Variants in NCKAP5 observed in about 807,000 individuals in gnomAD.
NCKAP5 encodes the protein NCK associated protein 5.
A neutral mutation model predicts 167.0 loss-of-function variants in NCKAP5; 92 were observed. The observed-to-expected ratio is 0.55, with a 90% CI of 0.47 to 0.66. The LOEUF (loss-of-function observed/expected upper bound fraction) is 0.66, where lower values mean the gene tolerates loss of function less well. NCKAP5 is among the 30% of genes least tolerant of loss of function. NCKAP5 has a pLI of 0.00. For missense variants in NCKAP5, 2,378 were observed against 2,315.0 expected (o/e 1.03, Z -0.56); for synonymous variants, 891 against 877.4 (o/e 1.02, Z -0.27).
chr2:133,273,227 A>G (rs1178580610), intron 4 of NCKAP5, among the ~76,000 whole-genome samples: 1 of 152,154 alleles, frequency 6.6e-6, no homozygotes, highest in Admixed American at 6.5e-5. Context: ...CTTTGTTTAT[A>G]GTCATGCTAG....
intron 6 of NCKAP5, among the ~76,000 whole-genome samples, chr2:133,112,191 T>C (rs1276888844): frequency 1.3e-5 from 2 of 152,146 alleles, no homozygotes; most frequent in Non-Finnish European, 2.9e-5. Flanking sequence ...ATAGGTATGC[T>C]AGGTATGGCG....
At chr2:133,406,150 C>T (rs1364414642) in intron 3 of NCKAP5, among the ~76,000 whole-genome samples, 1 of 152,212 alleles carries the variant, frequency 6.6e-6, no homozygotes, top group Non-Finnish European at 1.5e-5. Flanking sequence ...ACATTGGAAG[C>T]ATCCCTGGAA....
At chr2:133,157,282 T>C (rs1161419152) in intron 5 of NCKAP5, among the ~76,000 whole-genome samples, 1 of 152,162 alleles carries the variant, frequency 6.6e-6, no homozygotes, top group Non-Finnish European at 1.5e-5. Flanking sequence ...AGCACAGTCA[T>C]TGGAACAGTG....
intron 10 of NCKAP5, among the ~76,000 whole-genome samples, chr2:132,860,882 C>T (rs772444387): frequency 5.9e-4 from 90 of 151,992 alleles, no homozygotes; most frequent in Non-Finnish European, 5.9e-4. Context: ...TAAATCTTAG[C>T]GATATGAAGT....
chr2:133,587,416 G>A, the NCKAP5 span, among the ~76,000 whole-genome samples: 107 of 152,330 alleles, frequency 7.0e-4, 1 homozygote, highest in Non-Finnish European at 8.7e-4. Context: ...AAGACAACCT[G>A]AGTACAACAC....
At chr2:133,269,105 C>T (rs891319889) in intron 4 of NCKAP5, 6 of 152,126 alleles carry the variant, frequency 3.9e-5, no homozygotes, top group African/African-American at 1.4e-4. Flanking sequence ...AACTTATAGC[C>T]TAAATTGACA....
At chr2:133,432,503 C>T (rs1013570488) in intron 3 of NCKAP5, among the ~76,000 whole-genome samples, 1 of 152,154 alleles carries the variant, frequency 6.6e-6, no homozygotes, top group Non-Finnish European at 1.5e-5. Flanking sequence ...CAGAGATAAA[C>T]TCAACATCAG....
chr2:133,037,814 G>A (rs2079086835), intron 6 of NCKAP5, among the ~76,000 whole-genome samples: 1 of 152,128 alleles, frequency 6.6e-6, no homozygotes, highest in Non-Finnish European at 1.5e-5. Flanking sequence ...AAGTTCAAAA[G>A]CTTCTATACA....
chr2:132,854,418 G>C (rs1196341238), intron 11 of NCKAP5, among the ~76,000 whole-genome samples: 1 of 152,262 alleles, frequency 6.6e-6, no homozygotes, highest in East Asian at 1.9e-4. Flanking sequence ...AGGAGATTGA[G>C]TGGGGCAGGG....
intron 4 of NCKAP5, among the ~76,000 whole-genome samples, chr2:133,224,106 T>C (rs1351576657): frequency 3.3e-5 from 5 of 152,194 alleles, no homozygotes; most frequent in Non-Finnish European, 7.4e-5. Flanking sequence ...CCTATATATG[T>C]ATTCTCAAAA....
chr2:133,601,888 G>A, the NCKAP5 span, among the ~76,000 whole-genome samples: 4 of 152,158 alleles, frequency 2.6e-5, no homozygotes, highest in East Asian at 1.9e-4. Context: ...AAGTAGTGGC[G>A]AGTGGAAAGC....
chr2:132,754,386 T>C (rs1372370021), intron 16 of NCKAP5, among the ~76,000 whole-genome samples: 2 of 152,058 alleles, frequency 1.3e-5, no homozygotes, highest in Non-Finnish European at 2.9e-5. Context: ...CACCTACTAT[T>C]TATTCAAGCA....
intron 6 of NCKAP5, among the ~76,000 whole-genome samples, chr2:133,077,488 C>G (rs2080645639): frequency 6.6e-6 from 1 of 152,272 alleles, no homozygotes; most frequent in Non-Finnish European, 1.5e-5. Flanking sequence ...CCAGATGGTG[C>G]CTCTTTGGAA....
At chr2:132,720,992 G>A (rs1485952506) in intron 19 of NCKAP5, among the ~76,000 whole-genome samples, 2 of 142,160 alleles carry the variant, frequency 1.4e-5, no homozygotes, top group Non-Finnish European at 3.0e-5. Context: ...TCCAGCCTAG[G>A]TACACAGTGA....
At chr2:133,504,997 G>A (rs752165179) in intron 3 of NCKAP5, among the ~76,000 whole-genome samples, 5 of 152,156 alleles carry the variant, frequency 3.3e-5, no homozygotes, top group Non-Finnish European at 7.3e-5. Context: ...GGTTCCTCAG[G>A]CCAGTCATCC....
chr2:132,744,568 A>T (rs1023958943), intron 16 of NCKAP5, among the ~76,000 whole-genome samples: 2 of 151,636 alleles, frequency 1.3e-5, no homozygotes, highest in Admixed American at 1.3e-4. Flanking sequence ...AGAAACTAGA[A>T]AAATAAGAAC....
intron 11 of NCKAP5, among the ~76,000 whole-genome samples, chr2:132,837,020 C>T (rs1687939220): frequency 2.0e-5 from 3 of 152,192 alleles, no homozygotes; most frequent in Non-Finnish European, 2.9e-5. Flanking sequence ...TTTAGTCTAT[C>T]CCCATGCTTA....
chr2:133,617,282 A>C, the NCKAP5 span, among the ~76,000 whole-genome samples: 14 of 152,294 alleles, frequency 9.2e-5, no homozygotes, highest in African/African-American at 3.1e-4. Flanking sequence ...TATTCAACAT[A>C]GTGTTGAAAG....
chr2:133,256,729 A>T (rs1365886531), intron 4 of NCKAP5, among the ~76,000 whole-genome samples: 2 of 152,236 alleles, frequency 1.3e-5, no homozygotes, highest in Non-Finnish European at 2.9e-5. Context: ...AGAAATGTAC[A>T]GTCAATAGTT....
Sources: gnomAD v4.1 joint callset for allele counts (sites outside exome capture counted in the v4.1 genomes callset) on GRCh38, gnomAD v4.1.1 for gene constraint, MANE v1.5 for transcripts, NCBI Gene and HGNC (gene_info 2026-07-23, HGNC 2026-07-21) for gene names.